The following ABI3BP variants were observed in gnomAD, a reference collection of about 807,000 sequenced individuals.
ABI3BP encodes the protein ABI family member 3 binding protein, also known as target of Nesh-SH3.
ABI3BP carries 216 observed loss-of-function variants against 268.6 expected under a neutral mutation model. The observed-to-expected ratio is 0.80, with a 90% CI of 0.72 to 0.90. The LOEUF is 0.90. Among genes scored for constraint, ABI3BP ranks in the 40% least tolerant of loss-of-function variants. The pLI is 0.00. For synonymous variants in ABI3BP, 730 were observed against 730.0 expected, an observed-to-expected ratio of 1.00 and a Z score of 0.00; for missense variants, 2,090 against 2,182.4, an observed-to-expected ratio of 0.96 and a Z score of 0.84.
At chr3:100,839,519 G>T in intron 24 of ABI3BP, 50 bp downstream of exon 24, 1 of 1,524,904 alleles carries the variant, frequency 6.6e-7, no homozygotes, top group Non-Finnish European at 8.8e-7. Flanking sequence ...AGTGGGGAAA[G>T]CAAAAGCTAC....
At chr3:100,864,999 G>T in intron 10 of ABI3BP, 92 bp from the exon 11 acceptor site, 1 of 943,238 alleles carries the variant, frequency 1.1e-6, no homozygotes, top group Non-Finnish European at 1.6e-6. Flanking sequence ...AGAATTAGTG[G>T]CTGATATTTG....
chr3:100,795,128 C>G (rs1560165568), intron 53 of ABI3BP, 125 bp from the exon 54 acceptor site: 1 of 607,142 alleles, frequency 1.6e-6, no homozygotes, highest in South Asian at 2.8e-5. Flanking sequence ...TAAGTGTGCA[C>G]ACGACTTTCA....
intron 54 of ABI3BP, 85 bp downstream of exon 54, chr3:100,794,838 C>A: frequency 2.1e-6 from 2 of 968,342 alleles, no homozygotes; most frequent in South Asian, 3.0e-5. Context: ...TAGAAAAAAT[C>A]TGTGAACATA....
At chr3:100,850,973 G>A (rs1057130665) in intron 15 of ABI3BP, among the ~76,000 whole-genome samples, 1 of 152,038 alleles carries the variant, frequency 6.6e-6, no homozygotes, top group Non-Finnish European at 1.5e-5. Flanking sequence ...ACATTCAACT[G>A]GTTTTCAACA....
intron 2 of ABI3BP, among the ~76,000 whole-genome samples, chr3:100,923,114 T>C (rs1369897125): frequency 1.3e-5 from 2 of 152,200 alleles, no homozygotes; most frequent in African/African-American, 4.8e-5. Context: ...CATATTGATC[T>C]ACAATATGAG....
At chr3:100,768,080 CAA>C (rs1398447948) in intron 62 of ABI3BP, among the ~76,000 whole-genome samples, 2 of 135,102 alleles carry the variant, frequency 1.5e-5, no homozygotes, top group Admixed American at 1.6e-4. Context: ...CCATTTGGCT[CAA>C]GTTTTTTTTT....
chr3:100,896,230 G>A (rs1376020869), intron 4 of ABI3BP, among the ~76,000 whole-genome samples: 1 of 152,196 alleles, frequency 6.6e-6, no homozygotes, highest in African/African-American at 2.4e-5. Flanking sequence ...GCAAGGGGGT[G>A]AGGGTGAGGG....
rs1010360445 is a variant in ABI3BP at position 100,839,728 on chromosome 3, G to T, written c.1898-112C>A. 3.4e-6 allele frequency: 4 copies of T among 1,187,380 alleles called. No individual in the cohort carries two copies. The Admixed American group carries it at 6.0e-5, about 18-fold the overall frequency. The allele number at this position is 1,187,380 out of a possible 1,614,324, so 73.6% of individuals were successfully genotyped here. Reference sequence around the variant, plus strand: ...CCTAAATGATGCATTTTTTCTGAATGTGATTTTCCCTTTTACAGTTCCCAT... The same window carrying T: ...CCTAAATGATGCATTTTTTCTGAATTTGATTTTCCCTTTTACAGTTCCCAT... On this transcript the variant is annotated intron_variant, in intron 23 of 67. Coordinates refer to ENST00000471714, the MANE Select transcript of ABI3BP (RefSeq NM_001375547.2).
chr3:100,802,585 A>G (rs1298194682), intron 51 of ABI3BP, among the ~76,000 whole-genome samples: 2 of 152,182 alleles, frequency 1.3e-5, no homozygotes, highest in African/African-American at 4.8e-5. Context: ...GGTTTTTTCT[A>G]AAGGCCTCAC....
chr3:100,752,848 A>G lies in ABI3BP; in HGVS notation c.5061T>C (p.Phe1687=). The G allele has an allele frequency of 6.2e-7, 1 of 1,613,612 alleles. No individual in the cohort carries two copies. The highest frequency in any genetic ancestry group is 2.2e-5 in the East Asian group (1 of 44,864). ...GAGAGTTGCACAGCTGCACTCCTACAAATTTTTTATACCATGTCCTTTTGA... is the reference window on the plus strand; with the variant it reads ...GAGAGTTGCACAGCTGCACTCCTACGAATTTTTTATACCATGTCCTTTTGA... ...QYVKRTWYKK[F]VGVQLCNSLR... The change falls in exon 66 of 68, where the codon TTT becomes TTC. Residue 1687 remains phenylalanine (F), a synonymous_variant. Transcript: ENST00000471714.
rs555682950 is a variant in ABI3BP at position 100,980,561 on chromosome 3, A to G, written c.79+12745T>C. ...CAGAGATGATGAGGGTCTTCCAAGCACAAGAATTAGAACCTGAGAAGACAC... is the reference window on the plus strand; with the variant it reads ...CAGAGATGATGAGGGTCTTCCAAGCGCAAGAATTAGAACCTGAGAAGACAC... On this transcript the variant is annotated intron_variant, in intron 1 of 67. Coordinates refer to ENST00000471714, the MANE Select transcript of ABI3BP (RefSeq NM_001375547.2). 5.1e-4 allele frequency among the ~76,000 whole-genome samples: 77 copies of G among 152,354 alleles called. 1 individual carries two copies. In the South Asian group the frequency reaches 9.1e-3, roughly 18 times the overall value.
chr3:100,772,083 G>T (rs2096562596), intron 61 of ABI3BP, among the ~76,000 whole-genome samples: 1 of 152,206 alleles, frequency 6.6e-6, no homozygotes. Context: ...AAGAATGCAA[G>T]TGAGAGGCAT....
At chr3:100,884,971 G>A (rs2041231117) in intron 6 of ABI3BP, among the ~76,000 whole-genome samples, 1 of 115,602 alleles carries the variant, frequency 8.7e-6, no homozygotes, top group Non-Finnish European at 1.9e-5. Flanking sequence ...TTGAAAAGTG[G>A]AAGGAAAGAG....
At chr3:100,835,283 C>T (rs2098556797) in intron 28 of ABI3BP, among the ~76,000 whole-genome samples, 1 of 152,322 alleles carries the variant, frequency 6.6e-6, no homozygotes, top group Admixed American at 6.5e-5. Flanking sequence ...ATCAGGCAGA[C>T]ATTCCTAATT....
At position 100,829,563 on chromosome 3, in the gene ABI3BP, C is replaced by G. The variant is rs1446524472; in HGVS notation, c.2542+18G>C. The G allele has an allele frequency of 3.3e-6, 5 of 1,531,668 alleles. No individual in the cohort carries two copies. In the South Asian group the frequency reaches 3.6e-5, roughly 11 times the overall value. The allele number at this position is 1,531,668 out of a possible 1,614,324, so 94.9% of individuals were successfully genotyped here. A position where few individuals can be genotyped will look rare whatever the true frequency, so the allele number is the denominator to read the frequency against. On this transcript the variant is annotated intron_variant, in intron 33 of 67. Transcript: ENST00000471714. ...GGGTGGGCTGTTAGGATTCCTCAAGCATGACCTACAAATTTACCCAGTTCA... is the reference window on the plus strand; with the variant it reads ...GGGTGGGCTGTTAGGATTCCTCAAGGATGACCTACAAATTTACCCAGTTCA...
chr3:100,761,230 A>AT (rs1222212692), intron 63 of ABI3BP, among the ~76,000 whole-genome samples: 2 of 152,158 alleles, frequency 1.3e-5, no homozygotes, highest in Non-Finnish European at 2.9e-5. Context: ...AATATCTACA[A>AT]TTTCTTTTTA....
intron 1 of ABI3BP, among the ~76,000 whole-genome samples, chr3:100,983,524 C>T (rs1366288798): frequency 6.6e-6 from 1 of 152,082 alleles, no homozygotes; most frequent in East Asian, 1.9e-4. Flanking sequence ...TTATGTATAT[C>T]ACTTAAAGCC....
chr3:100,938,448 T>TA (rs2067279482), intron 1 of ABI3BP, among the ~76,000 whole-genome samples: 1 of 152,028 alleles, frequency 6.6e-6, no homozygotes. Flanking sequence ...GGAAAGGTAT[T>TA]AAAAGGAAAA....
chr3:100,944,430 C>T (rs2071100595), intron 1 of ABI3BP, among the ~76,000 whole-genome samples: 1 of 152,072 alleles, frequency 6.6e-6, no homozygotes, highest in African/African-American at 2.4e-5. Context: ...TGATTATTTA[C>T]AGGACAAAGC....
Sources: gnomAD v4.1 joint callset for allele counts (sites outside exome capture counted in the v4.1 genomes callset) on GRCh38, gnomAD v4.1.1 for gene constraint, MANE v1.5 for transcripts, NCBI Gene and HGNC (gene_info 2026-07-23, HGNC 2026-07-21) for gene names.